The following KCNT2 variants were observed in gnomAD, a reference collection of about 807,000 sequenced individuals.
KCNT2 encodes the protein potassium sodium-activated channel subfamily T member 2, also known as potassium channel subfamily T member 2.
KCNT2 carries 67 observed loss-of-function variants against 153.8 expected under a neutral mutation model. The observed-to-expected ratio is 0.44, with a 90% CI of 0.36 to 0.53. The LOEUF is 0.53. KCNT2 is among the 20% of genes least tolerant of loss of function. KCNT2 has a pLI of 0.00. For missense variants in KCNT2, 975 were observed against 1,354.8 expected, an observed-to-expected ratio of 0.72 and a Z score of 4.40; for synonymous variants, 500 against 458.8, an observed-to-expected ratio of 1.09 and a Z score of -1.15.
chr1:196,419,028 C>T (rs1345953871), intron 12 of KCNT2, among the ~76,000 whole-genome samples: 1 of 151,992 alleles, frequency 6.6e-6, no homozygotes, highest in Admixed American at 6.6e-5. Flanking sequence ...TGCTGGATCC[C>T]CTGAGGCTAC....
chr1:196,439,139 G>A (rs1674991590), intron 8 of KCNT2, among the ~76,000 whole-genome samples: 1 of 151,798 alleles, frequency 6.6e-6, no homozygotes, highest in Non-Finnish European at 1.5e-5. Context: ...AATTCACATA[G>A]TAATTTCTGC....
chr1:196,331,577 C>T (rs547001475), intron 17 of KCNT2, among the ~76,000 whole-genome samples: 69 of 152,122 alleles, frequency 4.5e-4, no homozygotes, highest in Non-Finnish European at 7.4e-5. Context: ...TATTATAATT[C>T]AGCCACACTC....
intron 11 of KCNT2, among the ~76,000 whole-genome samples, 153 bp downstream of exon 11, chr1:196,425,698 TA>T (rs1256573969): frequency 3.3e-5 from 5 of 151,950 alleles, no homozygotes; most frequent in Admixed American, 1.3e-4. Flanking sequence ...TTTGACCTTT[TA>T]GTTTGGCCAG....
intron 11 of KCNT2, 106 bp downstream of exon 11, chr1:196,425,746 C>A (rs199554409): frequency 1.7e-6 from 2 of 1,151,380 alleles, no homozygotes; most frequent in African/African-American, 3.1e-5. Context: ...CTCAAACATA[C>A]TTTAACACAT....
chr1:196,258,236 T>A lies in KCNT2; in HGVS notation c.3169A>T (p.Lys1057Ter). ...AGACCCAAGTGTTTCATTCTATTTT[T>A]CACAAGTTCAGCAAGCTCTTGTCTT... ...SERQELAELV[K>*]NRMKHLGLST... Residue 1057 changes from lysine (K) to a stop codon, truncating the protein, a stop_gained, in exon 26 of 28, where the codon AAA (lysine) becomes TAA (stop). Transcript: ENST00000294725. LOFTEE classifies it high-confidence loss of function. The A allele has an allele frequency of 6.2e-7, 1 of 1,614,060 alleles. No homozygotes were observed. Among genetic ancestry groups the A allele is most frequent in the Non-Finnish European group, 8.5e-7 (1 of 1,179,928 alleles).
chr1:196,579,560 C>A (rs933176627), intron 1 of KCNT2, among the ~76,000 whole-genome samples: 3 of 151,986 alleles, frequency 2.0e-5, no homozygotes, highest in Non-Finnish European at 4.4e-5. Context: ...ATGACACGAT[C>A]TCGGCTCACT....
intron 1 of KCNT2, among the ~76,000 whole-genome samples, chr1:196,508,062 A>T (rs563187207): frequency 6.6e-6 from 1 of 152,032 alleles, no homozygotes; most frequent in South Asian, 2.1e-4. Context: ...TGAAATTTAA[A>T]AAGATTCAAT....
At chr1:196,599,564 C>T (rs4425932) in intron 1 of KCNT2, among the ~76,000 whole-genome samples, 72,809 of 152,052 alleles carry the variant, frequency 0.48, 19,820 homozygotes, top group Middle Eastern at 0.73. Context: ...CCCTTTAAAG[C>T]CGTGGCATAA....
chr1:196,385,773 ATAT>A (rs1558226586), intron 13 of KCNT2, among the ~76,000 whole-genome samples: 1 of 119,240 alleles, frequency 8.4e-6, no homozygotes. Context: ...CATTAAAAAA[ATAT>A]ATATATATAT....
intron 13 of KCNT2, among the ~76,000 whole-genome samples, chr1:196,394,565 A>G (rs1670760478): frequency 6.6e-6 from 1 of 151,622 alleles, no homozygotes; most frequent in African/African-American, 2.4e-5. Context: ...GGGCTGTTAG[A>G]AATCTAATAA....
chr1:196,340,558 G>A lies in KCNT2; in HGVS notation c.1566C>T (p.Cys522=). The change falls in exon 16 of 28, where the codon TGC becomes TGT. Residue 522 remains cysteine (C), a synonymous_variant. Coordinates refer to ENST00000294725, the MANE Select transcript of KCNT2 (RefSeq NM_198503.5). ...TATCCTCCCTCCTAACACCAATCAA[G>A]CAGACGCCAAACCTTAATTTAAAAA... ...SFHAHKKFGV[C]LIGVRREDNK... The A allele has an allele frequency of 1.3e-6, 2 of 1,555,090 alleles. No homozygotes were observed. Among genetic ancestry groups the A allele is most frequent in the Non-Finnish European group, 1.7e-6 (2 of 1,152,358 alleles).
intron 1 of KCNT2, among the ~76,000 whole-genome samples, chr1:196,594,235 A>G (rs192495838): frequency 2.3e-4 from 35 of 152,320 alleles, no homozygotes; most frequent in Non-Finnish European, 2.9e-4. Flanking sequence ...ACTGAAGCAC[A>G]TTCTGCTTTG....
intron 1 of KCNT2, among the ~76,000 whole-genome samples, chr1:196,587,072 GA>G (rs1662777518): frequency 6.6e-6 from 1 of 151,966 alleles, no homozygotes; most frequent in African/African-American, 2.4e-5. Flanking sequence ...GAAAATATTC[GA>G]ATCATGGAAA....
chr1:196,492,476 T>C, intron 1 of KCNT2, 135 bp from the exon 2 acceptor site: 1 of 714,222 alleles, frequency 1.4e-6, no homozygotes, highest in East Asian at 5.0e-5. Context: ...AATTATTTGA[T>C]TTAATGCATT....
chr1:196,412,064 T>C (rs1260005363), intron 12 of KCNT2, among the ~76,000 whole-genome samples: 2 of 151,790 alleles, frequency 1.3e-5, no homozygotes, highest in Non-Finnish European at 2.9e-5. Flanking sequence ...TCTAATATGC[T>C]GTTGTGCTGA....
At chr1:196,479,117 A>C in intron 5 of KCNT2, 62 bp downstream of exon 5, 1 of 1,080,540 alleles carries the variant, frequency 9.3e-7, no homozygotes, top group Middle Eastern at 2.0e-4. Context: ...AAATAGAGGA[A>C]TACTGAGTAA....
intron 1 of KCNT2, among the ~76,000 whole-genome samples, chr1:196,583,738 T>C (rs147841732): frequency 6.6e-6 from 1 of 151,924 alleles, no homozygotes; most frequent in Non-Finnish European, 1.5e-5. Flanking sequence ...TCATTGGACC[T>C]GGCATGAAAA....
rs1558003960 is a variant in KCNT2 at position 196,492,349 on chromosome 1, C to G, written c.96-8G>C. ...TAGAATTCAACTTGTACCCTGCAAACAGAAAATAAAAACATGTAAATGTAT... is the reference window on the plus strand; with the variant it reads ...TAGAATTCAACTTGTACCCTGCAAAGAGAAAATAAAAACATGTAAATGTAT... On this transcript the variant is annotated splice_polypyrimidine_tract_variant and splice_region_variant and intron_variant, in intron 1 of 27. Transcript: ENST00000294725. 3 of 1,363,768 alleles carry G rather than the reference C, an allele frequency of 2.2e-6. No homozygotes were observed. The highest frequency in any genetic ancestry group is 2.9e-6 in the Non-Finnish European group (3 of 1,027,062). The allele number at this position is 1,363,768 out of a possible 1,614,324, so 84.5% of individuals were successfully genotyped here. A position where few individuals can be genotyped will look rare whatever the true frequency, so the allele number is the denominator to read the frequency against.
intron 1 of KCNT2, among the ~76,000 whole-genome samples, chr1:196,539,960 C>T (rs1385758196): frequency 6.6e-6 from 1 of 151,802 alleles, no homozygotes. Flanking sequence ...TTCTTATATA[C>T]TCTGAAATAA....
Sources: gnomAD v4.1 joint callset for allele counts (sites outside exome capture counted in the v4.1 genomes callset) on GRCh38, gnomAD v4.1.1 for gene constraint, MANE v1.5 for transcripts, NCBI Gene and HGNC (gene_info 2026-07-23, HGNC 2026-07-21) for gene names.